The following LUZP2 variants were observed in gnomAD, a reference collection of about 807,000 sequenced individuals.
The protein encoded by LUZP2 is leucine zipper protein 2.
Under a neutral mutation model 51.6 loss-of-function variants are expected in LUZP2, and 52 were observed. That is an observed-to-expected ratio of 1.01 (90% CI 0.81 to 1.27). The LOEUF (loss-of-function observed/expected upper bound fraction) is 1.27, where lower values mean the gene tolerates loss of function less well. LUZP2 is among the 50% of genes most tolerant of loss of function. The pLI, the probability that LUZP2 is intolerant of heterozygous loss-of-function variation, is 0.00. For synonymous variants in LUZP2, 154 were observed against 137.3 expected, an observed-to-expected ratio of 1.12 and a Z score of -0.85; for missense variants, 436 against 395.4, an observed-to-expected ratio of 1.10 and a Z score of -0.87.
At chr11:24,542,806 G>T (rs544886587) in intron 1 of LUZP2, among the ~76,000 whole-genome samples, 1 of 151,832 alleles carries the variant, frequency 6.6e-6, no homozygotes, top group Non-Finnish European at 1.5e-5. Context: ...CAATGCAAAA[G>T]ACTACATTTA....
Position 24,497,294 on chromosome 11 carries a change from C to A in LUZP2, c.51C>A (p.Val17=). The A allele has an allele frequency of 6.4e-7, 1 of 1,564,996 alleles. No homozygotes were observed. Among genetic ancestry groups the A allele is most frequent in the South Asian group, 1.2e-5 (1 of 86,088 alleles). The change falls in exon 1 of 12, where the codon GTC becomes GTA. Residue 17 remains valine (V), a synonymous_variant. Coordinates refer to ENST00000336930, the MANE Select transcript of LUZP2 (RefSeq NM_001009909.4). ...HYLLPLLPAL[V]LSTRQDYEEL... Reference sequence around the variant, plus strand: ...TGCTGCCTCTCCTGCCTGCGCTGGTCCTCAGCACCAGGTGAGTCCAGGAGC... The same window carrying A: ...TGCTGCCTCTCCTGCCTGCGCTGGTACTCAGCACCAGGTGAGTCCAGGAGC...
At chr11:24,575,874 T>A (rs1015129791) in intron 1 of LUZP2, among the ~76,000 whole-genome samples, 1 of 151,150 alleles carries the variant, frequency 6.6e-6, no homozygotes. Context: ...TTTTCCTCCA[T>A]TTTTTTCTCT....
chr11:24,747,098 A>AT (rs1259162729), intron 4 of LUZP2, among the ~76,000 whole-genome samples: 1 of 151,972 alleles, frequency 6.6e-6, no homozygotes, highest in Non-Finnish European at 1.5e-5. Context: ...AGCTAGTGTG[A>AT]TTTTTTGGGG....
chr11:24,539,357 G>A (rs1352911850), intron 1 of LUZP2, among the ~76,000 whole-genome samples: 1 of 151,802 alleles, frequency 6.6e-6, no homozygotes, highest in Admixed American at 6.6e-5. Flanking sequence ...TTATAATTAT[G>A]AATAACTCTC....
intron 9 of LUZP2, among the ~76,000 whole-genome samples, chr11:25,005,223 T>C (rs942788532): frequency 1.4e-4 from 22 of 152,046 alleles, no homozygotes; most frequent in African/African-American, 5.3e-4. Context: ...TAGAGGAGGC[T>C]TATCATTAAT....
intron 7 of LUZP2, among the ~76,000 whole-genome samples, chr11:24,937,697 C>G (rs1854626894): frequency 1.3e-5 from 2 of 151,874 alleles, no homozygotes; most frequent in Admixed American, 6.6e-5. Context: ...GTCAGGAGAT[C>G]AAGACCATCC....
intron 7 of LUZP2, among the ~76,000 whole-genome samples, chr11:24,919,645 G>T (rs78203414): frequency 4.1e-5 from 6 of 146,844 alleles, no homozygotes; most frequent in African/African-American, 1.3e-4. Flanking sequence ...CTTATGTGTA[G>T]GTATGTTTAT....
At chr11:24,605,263 G>C (rs905264977) in intron 1 of LUZP2, among the ~76,000 whole-genome samples, 1 of 151,650 alleles carries the variant, frequency 6.6e-6, no homozygotes, top group African/African-American at 2.4e-5. Context: ...TACATAAAGA[G>C]CTCCTTTTTA....
rs112540980 is a variant in LUZP2 at position 24,865,695 on chromosome 11, A to C, written c.397-40296A>C. Among the ~76,000 whole-genome samples the C allele has an allele frequency of 7.2e-3, 1,066 of 147,234 alleles. 13 individuals are homozygous for C. Among genetic ancestry groups the C allele is most frequent in the African/African-American group, 0.025 (1,008 of 40,064 alleles). ...ACATTTGTGTGTGTGTTGTGTGTAT[A>C]TGTTATATGTTTGTGTATATATATA... On this transcript the variant is annotated intron_variant, in intron 5 of 11. Coordinates refer to ENST00000336930, the MANE Select transcript of LUZP2 (RefSeq NM_001009909.4).
intron 9 of LUZP2, among the ~76,000 whole-genome samples, chr11:25,008,443 T>A (rs1856895048): frequency 6.6e-6 from 1 of 152,146 alleles, no homozygotes; most frequent in Non-Finnish European, 1.5e-5. Context: ...TTCCAGCTTG[T>A]TTGTGTTACA....
chr11:24,681,565 G>C (rs1856738048), intron 1 of LUZP2, among the ~76,000 whole-genome samples: 1 of 152,082 alleles, frequency 6.6e-6, no homozygotes, highest in Admixed American at 6.5e-5. Context: ...ATCACATATT[G>C]GTAAATTATC....
intron 1 of LUZP2, among the ~76,000 whole-genome samples, chr11:24,726,998 C>T (rs1565101249): frequency 6.6e-6 from 1 of 152,008 alleles, no homozygotes. Context: ...CAACATTTTC[C>T]TGATAACTTG....
At chr11:24,925,168 C>A (rs1457121285) in intron 7 of LUZP2, among the ~76,000 whole-genome samples, 1 of 151,998 alleles carries the variant, frequency 6.6e-6, no homozygotes, top group African/African-American at 2.4e-5. Flanking sequence ...GTTGGTATCT[C>A]TTATTGCTAC....
At chr11:25,070,174 A>G (rs1466490871) in intron 10 of LUZP2, among the ~76,000 whole-genome samples, 6 of 151,900 alleles carry the variant, frequency 3.9e-5, no homozygotes, top group African/African-American at 1.4e-4. Flanking sequence ...ATACATAGCA[A>G]AAAGAAGTTA....
chr11:24,703,980 A>G (rs1180884939), intron 1 of LUZP2, among the ~76,000 whole-genome samples: 1 of 152,240 alleles, frequency 6.6e-6, no homozygotes, highest in East Asian at 1.9e-4. Context: ...AATTTGAATT[A>G]TAGAAAAAAG....
At chr11:24,696,282 G>A (rs1261251275) in intron 1 of LUZP2, among the ~76,000 whole-genome samples, 3 of 152,056 alleles carry the variant, frequency 2.0e-5, no homozygotes, top group African/African-American at 7.2e-5. Context: ...CTTCTGACAA[G>A]GATGTGTCTC....
rs1477542000 is a variant in LUZP2, at chr11:24,989,872, G to GT, written c.765+6587dup. Among the ~76,000 whole-genome samples, 5 of 151,856 alleles carry GT rather than the reference G, an allele frequency of 3.3e-5. No homozygotes were observed. In the East Asian group the frequency reaches 5.8e-4, roughly 18 times the overall value. On this transcript the variant is annotated intron_variant, in intron 9 of 11. Coordinates refer to ENST00000336930, the MANE Select transcript of LUZP2 (RefSeq NM_001009909.4). ...GGTCTGGTAGTTCTAAAATCAGGTT[G>GT]TTTTTTTTCTATACTAGTATTGCTA...
chr11:24,728,444 T>C (rs984933265), intron 1 of LUZP2, among the ~76,000 whole-genome samples: 5 of 152,062 alleles, frequency 3.3e-5, no homozygotes, highest in African/African-American at 1.2e-4. Context: ...CGTAATCTTT[T>C]GTCTGGACTA....
intron 1 of LUZP2, among the ~76,000 whole-genome samples, chr11:24,658,288 G>C (rs528415872): frequency 1.1e-4 from 17 of 152,268 alleles, no homozygotes; most frequent in Non-Finnish European, 1.8e-4. Context: ...ACAACTATCT[G>C]ATCTTTGACA....
Sources: gnomAD v4.1 joint callset for allele counts (sites outside exome capture counted in the v4.1 genomes callset) on GRCh38, gnomAD v4.1.1 for gene constraint, MANE v1.5 for transcripts, NCBI Gene and HGNC (gene_info 2026-07-23, HGNC 2026-07-21) for gene names.